The following BBS9 variants were observed in gnomAD, a reference collection of about 807,000 sequenced individuals.
BBS9 encodes the protein protein PTHB1.
In BBS9, 89 loss-of-function variants were observed where a neutral mutation model predicts 117.7. That is an observed-to-expected ratio of 0.76 (90% CI 0.64 to 0.90). The LOEUF (loss-of-function observed/expected upper bound fraction) is 0.90. BBS9 is among the 40% of genes least tolerant of loss of function. BBS9 has a pLI of 0.00. For missense variants in BBS9, 982 were observed against 1,042.2 expected (o/e 0.94, Z 0.80); for synonymous variants, 379 against 370.9 (o/e 1.02, Z -0.25).
At chr7:33,377,338 A>G (rs1824084079) in intron 17 of BBS9, among the ~76,000 whole-genome samples, 1 of 152,102 alleles carries the variant, frequency 6.6e-6, no homozygotes. Context: ...GAAGGTGTTC[A>G]GCATTATTTC....
At chr7:33,275,993 A>G (rs1426188277) in intron 9 of BBS9, among the ~76,000 whole-genome samples, 2 of 152,168 alleles carry the variant, frequency 1.3e-5, no homozygotes, top group African/African-American at 4.8e-5. Flanking sequence ...TATTTCTCAT[A>G]GCTTTTGCAA....
intron 5 of BBS9, among the ~76,000 whole-genome samples, chr7:33,212,268 C>T (rs1788165786): frequency 6.6e-6 from 1 of 152,058 alleles, no homozygotes; most frequent in South Asian, 2.1e-4. Context: ...TATTTTGTTT[C>T]CTTTGACCAT....
At chr7:33,459,405 A>AT (rs999179423) in intron 19 of BBS9, among the ~76,000 whole-genome samples, 34 of 151,924 alleles carry the variant, frequency 2.2e-4, no homozygotes, top group African/African-American at 8.2e-4. Context: ...GAGGCCAGTG[A>AT]TGTTGCTAAA....
chr7:33,631,585 C>T (rs141520151), intron 21 of BBS9, among the ~76,000 whole-genome samples: 98 of 152,322 alleles, frequency 6.4e-4, no homozygotes, highest in African/African-American at 2.2e-3. Context: ...CATGCATGGA[C>T]GCAACTTGGC....
At chr7:33,536,856 A>G (rs1190951557) in intron 21 of BBS9, among the ~76,000 whole-genome samples, 4 of 149,858 alleles carry the variant, frequency 2.7e-5, no homozygotes, top group African/African-American at 1.0e-4. Context: ...AGGTGACATG[A>G]TAACATTATC....
At chr7:33,499,751 G>T (rs1845191877) in intron 19 of BBS9, among the ~76,000 whole-genome samples, 1 of 152,052 alleles carries the variant, frequency 6.6e-6, no homozygotes, top group Non-Finnish European at 1.5e-5. Flanking sequence ...TTTTAAAATG[G>T]GAGCAATAAT....
intron 21 of BBS9, among the ~76,000 whole-genome samples, chr7:33,599,846 C>A (rs554158414): frequency 6.6e-6 from 1 of 152,202 alleles, no homozygotes; most frequent in South Asian, 2.1e-4. Flanking sequence ...ACTCAAGATG[C>A]CAGATTCCCT....
chr7:33,595,146 GACAAAACCGCCAAAAGCAATTGCA>G (rs550398483), intron 21 of BBS9, among the ~76,000 whole-genome samples: 7 of 152,220 alleles, frequency 4.6e-5, no homozygotes, highest in Admixed American at 3.9e-4. Context: ...AAGACTTCAT[GACAAAACCGCCAAAAGCAATTGCA>G]ACAAAAGCCA....
At chr7:33,591,773 A>G (rs1052281577) in intron 21 of BBS9, among the ~76,000 whole-genome samples, 4 of 151,982 alleles carry the variant, frequency 2.6e-5, no homozygotes, top group Non-Finnish European at 5.9e-5. Context: ...CATTTGTGTC[A>G]TATTATCTTG....
rs369426858 is a variant in BBS9, at chr7:33,499,246, G to T, written c.2116-6217G>T. The stretch of plus-strand genomic sequence containing the variant: ...GAATCAGACACTTACAGCTATGTTG[G>T]ATGTTAGAGATCATGTTTCCTACAT... On this transcript the variant is annotated intron_variant, in intron 19 of 22. Coordinates refer to ENST00000242067, the MANE Select transcript of BBS9 (RefSeq NM_198428.3). Among the ~76,000 whole-genome samples the T allele has an allele frequency of 2.9e-4, 44 of 152,328 alleles. No homozygotes were observed. The East Asian group carries it at 5.8e-3, about 20-fold the overall frequency.
chr7:33,534,342 A>G, intron 21 of BBS9, 166 bp downstream of exon 21: 2 of 728,038 alleles, frequency 2.7e-6, no homozygotes, highest in East Asian at 2.7e-5. Context: ...CCTTGAATAA[A>G]TATCCCTGAG....
chr7:33,461,251 T>A (rs1015702440), intron 19 of BBS9, among the ~76,000 whole-genome samples: 19 of 151,948 alleles, frequency 1.3e-4, no homozygotes, highest in African/African-American at 4.6e-4. Context: ...TACCTAGAAG[T>A]AGGGTTGTGG....
intron 15 of BBS9, among the ~76,000 whole-genome samples, chr7:33,353,424 C>G (rs1330919093): frequency 3.3e-5 from 5 of 151,992 alleles, no homozygotes; most frequent in Admixed American, 3.3e-4. Flanking sequence ...TTGTTTTCCC[C>G]AAATCTTTTG....
intron 19 of BBS9, among the ~76,000 whole-genome samples, chr7:33,402,278 CT>C (rs1200201905): frequency 1.3e-5 from 2 of 152,140 alleles, no homozygotes; most frequent in Non-Finnish European, 2.9e-5. Flanking sequence ...CACCCAATTT[CT>C]TCTAATCTCA....
rs1787079807 is a variant in BBS9, at chr7:33,207,173, T to C, written c.442+29582T>C. On this transcript the variant is annotated intron_variant, in intron 5 of 22. Transcript: ENST00000242067. ...GTGTAATTACTAATTACTGGTGTTT[T>C]ATGCCTTGCAACTAATAAGGAAATG... is the stretch of plus-strand genomic sequence containing the variant. Among the ~76,000 whole-genome samples the C allele has an allele frequency of 2.0e-5, 3 of 152,354 alleles. No individual in the cohort carries two copies. The South Asian group carries it at 6.2e-4, about 32-fold the overall frequency.
rs1377675042 is a variant in BBS9, at chr7:33,155,793, G to A, written c.328+91G>A. The A allele has an allele frequency of 8.3e-6, 6 of 724,578 alleles. No homozygotes were observed. In the African/African-American group the frequency reaches 1.1e-4, roughly 13 times the overall value. 44.9% of individuals were successfully genotyped at this position (724,578 alleles called of 1,614,324 possible). ...GATATTCCCTAGTGCTGACTTGGTAGAGAACACAAAACATTTAGTTGAATG... is the reference window on the plus strand; with the variant it reads ...GATATTCCCTAGTGCTGACTTGGTAAAGAACACAAAACATTTAGTTGAATG... On this transcript the variant is annotated intron_variant, in intron 4 of 22. Coordinates refer to ENST00000242067, the MANE Select transcript of BBS9 (RefSeq NM_198428.3).
At chr7:33,431,848 C>T (rs764501114) in intron 19 of BBS9, among the ~76,000 whole-genome samples, 3 of 152,120 alleles carry the variant, frequency 2.0e-5, no homozygotes, top group Non-Finnish European at 2.9e-5. Flanking sequence ...CATGAATGTT[C>T]ATACTTTGCA....
intron 21 of BBS9, among the ~76,000 whole-genome samples, chr7:33,589,298 C>T (rs1382127929): frequency 6.6e-6 from 1 of 152,026 alleles, no homozygotes; most frequent in Non-Finnish European, 1.5e-5. Flanking sequence ...GAGTTACGTC[C>T]CATGCAGGAT....
chr7:33,277,505 C>A (rs1240501030), intron 9 of BBS9, among the ~76,000 whole-genome samples: 1 of 152,170 alleles, frequency 6.6e-6, no homozygotes, highest in Admixed American at 6.5e-5. Flanking sequence ...CAAACAAAAT[C>A]AATTCACTGT....
Sources: allele counts gnomAD v4.1 joint callset (sites outside exome capture counted in the v4.1 genomes callset), GRCh38; gene constraint gnomAD v4.1.1; transcripts MANE v1.5; gene names NCBI Gene and HGNC (gene_info 2026-07-23, HGNC 2026-07-21).